WWP2: variants seen among roughly 807,000 people sequenced by gnomAD.
The protein encoded by WWP2 is WW domain containing E3 ubiquitin protein ligase 2.
A neutral mutation model predicts 121.0 loss-of-function variants in WWP2; 57 were observed. The observed-to-expected ratio is 0.47, with a 90% CI of 0.38 to 0.59. WWP2 has a LOEUF of 0.59. Among genes scored for constraint, WWP2 ranks in the 20% least tolerant of loss-of-function variants. The pLI, the probability that WWP2 is intolerant of heterozygous loss-of-function variation, is 0.00. For missense variants in WWP2, 962 were observed against 1,158.9 expected (o/e 0.83, Z 2.47); for synonymous variants, 449 against 441.3 (o/e 1.02, Z -0.22).
Position 69,917,051 on chromosome 16 carries a change from C to G in WWP2, c.1005-658C>G, listed in dbSNP as rs2058489081. Among the ~76,000 whole-genome samples, 3 of 152,182 alleles carry G rather than the reference C, an allele frequency of 2.0e-5. No individual in the cohort carries two copies. The South Asian group carries it at 6.2e-4, about 32-fold the overall frequency. ...TCTCAAAACAAAACAAAACCAAAGA[C>G]CATGCAACATGTTTACACTGGCACC... is the stretch of plus-strand genomic sequence containing the variant. On this transcript the variant is annotated intron_variant, in intron 9 of 23. Transcript: ENST00000359154.
chr16:69,883,430 A>T (rs1411447000), intron 7 of WWP2, among the ~76,000 whole-genome samples: 1 of 151,518 alleles, frequency 6.6e-6, no homozygotes, highest in African/African-American at 2.4e-5. Context: ...ACACACACTC[A>T]TTTACTCCTA....
intron 4 of WWP2, among the ~76,000 whole-genome samples, chr16:69,803,102 T>A (rs2056204885): frequency 1.3e-5 from 2 of 150,936 alleles, no homozygotes; most frequent in African/African-American, 2.4e-5. Flanking sequence ...AAAAAAAGCC[T>A]TTTTTTTTCC....
Position 69,810,603 on chromosome 16 carries a change from A to AT in WWP2, c.340+11317dup, listed in dbSNP as rs1045052887. On this transcript the variant is annotated intron_variant, in intron 4 of 23. Transcript: ENST00000359154. ...CCACCACGCCTGGCTAATTTTTTGT[A>AT]TTTTTTTTTAGTAGAGATGGGGTTT... is the stretch of plus-strand genomic sequence containing the variant. Among the ~76,000 whole-genome samples, 106 of 145,288 alleles carry AT rather than the reference A, an allele frequency of 7.3e-4. 1 individual carries two copies. The highest frequency in any genetic ancestry group is 4.0e-3 in the Admixed American group (59 of 14,596).
At chr16:69,910,077 G>T (rs1285990295) in intron 9 of WWP2, 1 of 153,650 alleles carries the variant, frequency 6.5e-6, no homozygotes, top group Non-Finnish European at 1.4e-5. Context: ...TAATTACTTT[G>T]TGTAGCGCTT....
At chr16:69,795,342 A>G (rs1027294377) in intron 2 of WWP2, among the ~76,000 whole-genome samples, 1 of 152,196 alleles carries the variant, frequency 6.6e-6, no homozygotes, top group African/African-American at 2.4e-5. Context: ...GGTGTCCAAT[A>G]GAATAGTCAC....
chr16:69,766,667 C>T (rs978142572), intron 1 of WWP2, among the ~76,000 whole-genome samples: 2 of 152,216 alleles, frequency 1.3e-5, no homozygotes, highest in Non-Finnish European at 2.9e-5. Context: ...CCTTAAGCCC[C>T]TATTCAGCCA....
intron 6 of WWP2, among the ~76,000 whole-genome samples, chr16:69,852,517 G>A (rs1446640049): frequency 2.0e-5 from 3 of 152,076 alleles, no homozygotes; most frequent in African/African-American, 7.2e-5. Flanking sequence ...CAGGTGATCC[G>A]CCCACCTCGG....
chr16:69,837,983 G>A (rs1008171477), intron 4 of WWP2, among the ~76,000 whole-genome samples: 1 of 152,194 alleles, frequency 6.6e-6, no homozygotes. Context: ...AGCACTTTGG[G>A]AGGCCAAGGT....
intron 1 of WWP2, chr16:69,786,000 AGC>A (rs2055780662): frequency 7.1e-6 from 1 of 141,002 alleles, no homozygotes; most frequent in Non-Finnish European, 1.6e-5. Flanking sequence ...TTATACTTTT[AGC>A]AAGGATTACT....
At chr16:69,848,462 A>C (rs2057128696) in intron 6 of WWP2, among the ~76,000 whole-genome samples, 1 of 151,178 alleles carries the variant, frequency 6.6e-6, no homozygotes. Context: ...AAAAAAAAAA[A>C]CAAACAAACA....
At chr16:69,902,173 A>G (rs1264661131) in intron 8 of WWP2, among the ~76,000 whole-genome samples, 4 of 152,326 alleles carry the variant, frequency 2.6e-5, no homozygotes, top group African/African-American at 9.6e-5. Context: ...ACCTTTGACA[A>G]GAAAACATGG....
chr16:69,849,399 GTAGCT>G (rs2057156490), intron 6 of WWP2, among the ~76,000 whole-genome samples: 1 of 152,212 alleles, frequency 6.6e-6, no homozygotes, highest in Admixed American at 6.5e-5. Flanking sequence ...CTCCCATGCA[GTAGCT>G]TATGCTTAAA....
intron 2 of WWP2, among the ~76,000 whole-genome samples, chr16:69,796,456 G>T (rs2056048250): frequency 6.6e-6 from 1 of 152,242 alleles, no homozygotes; most frequent in South Asian, 2.1e-4. Context: ...ACACGGCAGA[G>T]TATCAATTGT....
chr16:69,881,119 A>G (rs1379512597), intron 7 of WWP2, among the ~76,000 whole-genome samples: 1 of 152,192 alleles, frequency 6.6e-6, no homozygotes, highest in Non-Finnish European at 1.5e-5. Flanking sequence ...GAGGCCATGC[A>G]ACTGCCATCT....
At chr16:69,811,615 T>C (rs1305599238) in intron 4 of WWP2, among the ~76,000 whole-genome samples, 2 of 151,472 alleles carry the variant, frequency 1.3e-5, no homozygotes, top group Non-Finnish European at 2.9e-5. Flanking sequence ...TAGCTGGGCA[T>C]GGTGGGCATG....
At chr16:69,787,991 C>T (rs1597665906) in intron 2 of WWP2, 2 of 152,458 alleles carry the variant, frequency 1.3e-5, no homozygotes, top group African/African-American at 4.8e-5. Flanking sequence ...AGGCAGTAGC[C>T]TCCTGTCCTG....
intron 4 of WWP2, among the ~76,000 whole-genome samples, chr16:69,818,485 G>A (rs2056536335): frequency 6.6e-6 from 1 of 152,174 alleles, no homozygotes; most frequent in Admixed American, 6.5e-5. Flanking sequence ...GGGATTACAG[G>A]TGTGAGCCAC....
At chr16:69,928,944 T>G (rs533745966) in intron 11 of WWP2, among the ~76,000 whole-genome samples, 1 of 152,144 alleles carries the variant, frequency 6.6e-6, no homozygotes, top group South Asian at 2.1e-4. Flanking sequence ...AGAGCACTGA[T>G]CAGAGAGGTG....
chr16:69,881,578 G>A (rs2057830642), intron 7 of WWP2, among the ~76,000 whole-genome samples: 1 of 152,214 alleles, frequency 6.6e-6, no homozygotes, highest in South Asian at 2.1e-4. Context: ...GATTATATAA[G>A]ATAGTATTAT....
Sources: allele counts gnomAD v4.1 joint callset (sites outside exome capture counted in the v4.1 genomes callset), GRCh38; gene constraint gnomAD v4.1.1; transcripts MANE v1.5; gene names NCBI Gene and HGNC (gene_info 2026-07-23, HGNC 2026-07-21).